The following TBC1D22A variants were observed in gnomAD, a reference collection of about 807,000 sequenced individuals.
TBC1D22A encodes the protein putative GTPase activator.
In TBC1D22A, 38 loss-of-function variants were observed where a neutral mutation model predicts 60.2. That is an observed-to-expected ratio of 0.63 (90% CI 0.49 to 0.83). The LOEUF (loss-of-function observed/expected upper bound fraction) is 0.83. Among genes scored for constraint, TBC1D22A ranks in the 40% least tolerant of loss-of-function variants. TBC1D22A has a pLI of 0.00. For synonymous variants in TBC1D22A, 302 were observed against 281.7 expected, an observed-to-expected ratio of 1.07 and a Z score of -0.72; for missense variants, 628 against 701.0, an observed-to-expected ratio of 0.90 and a Z score of 1.18.
At chr22:47,016,033 A>T (rs1396519358) in intron 10 of TBC1D22A, among the ~76,000 whole-genome samples, 2 of 152,060 alleles carry the variant, frequency 1.3e-5, no homozygotes, top group Admixed American at 6.5e-5. Flanking sequence ...GCCACTAAGG[A>T]TGGAAGTAGG....
chr22:46,910,707 C>G (rs2069852154), intron 7 of TBC1D22A, among the ~76,000 whole-genome samples: 2 of 152,056 alleles, frequency 1.3e-5, no homozygotes, highest in Admixed American at 1.3e-4. Context: ...GGGGAGGGAA[C>G]AGGTGGCAGC....
chr22:46,806,207 C>G (rs889882617), intron 4 of TBC1D22A, among the ~76,000 whole-genome samples: 2 of 152,134 alleles, frequency 1.3e-5, no homozygotes, highest in Admixed American at 6.5e-5. Flanking sequence ...GTGTGGAAAA[C>G]GTAGTATAGA....
At chr22:47,149,449 T>TCC (rs886292259) in intron 12 of TBC1D22A, among the ~76,000 whole-genome samples, 26 of 152,372 alleles carry the variant, frequency 1.7e-4, no homozygotes, top group African/African-American at 6.0e-4. Context: ...GAAAAAGCTC[T>TCC]CCCGTGTATA....
chr22:46,781,776 C>T (rs537960029), intron 1 of TBC1D22A, among the ~76,000 whole-genome samples: 27 of 152,294 alleles, frequency 1.8e-4, no homozygotes, highest in South Asian at 1.5e-3. Context: ...CCTCTCCTGT[C>T]GTGGGTTAGA....
intron 5 of TBC1D22A, among the ~76,000 whole-genome samples, chr22:46,887,651 C>G (rs951715229): frequency 6.6e-6 from 1 of 152,108 alleles, no homozygotes; most frequent in Non-Finnish European, 1.5e-5. Context: ...AGCAGCCAGA[C>G]AGAAAAAATG....
chr22:47,142,549 C>T (rs1235702585), intron 12 of TBC1D22A, among the ~76,000 whole-genome samples: 69 of 120,728 alleles, frequency 5.7e-4, no homozygotes, highest in Non-Finnish European at 7.7e-4. Context: ...CATCCATCCA[C>T]CCACCCACCC....
Position 46,839,885 on chromosome 22 carries a change from G to A in TBC1D22A, c.638-38768G>A, listed in dbSNP as rs1310948732. On this transcript the variant is annotated intron_variant, in intron 4 of 12. Transcript: ENST00000337137. ...TTCAATAAGTTTGTTGGGAAAAGTA[G>A]ATATTCCCATACATGAGAATGAAAT... is the stretch of plus-strand genomic sequence containing the variant. 2.6e-5 allele frequency among the ~76,000 whole-genome samples: 4 copies of A among 152,212 alleles called. No individual in the cohort carries two copies. In the East Asian group the frequency reaches 7.7e-4, roughly 29 times the overall value.
intron 12 of TBC1D22A, among the ~76,000 whole-genome samples, chr22:47,143,928 CCTT>C (rs969636950): frequency 6.6e-6 from 1 of 152,212 alleles, no homozygotes; most frequent in African/African-American, 2.4e-5. Flanking sequence ...AGGCCCGCTG[CCTT>C]CTTCTGCTCC....
chr22:46,958,515 C>A (rs1446656321), intron 8 of TBC1D22A, among the ~76,000 whole-genome samples: 1 of 152,238 alleles, frequency 6.6e-6, no homozygotes, highest in Admixed American at 6.5e-5. Context: ...AGCTGGGAGT[C>A]CTGGCCAGTT....
chr22:46,972,134 T>C (rs1441613422), intron 8 of TBC1D22A, among the ~76,000 whole-genome samples: 1 of 152,204 alleles, frequency 6.6e-6, no homozygotes, highest in African/African-American at 2.4e-5. Context: ...TTGCACCCGG[T>C]ATGCTGTGGA....
chr22:47,090,428 G>A lies in TBC1D22A; in HGVS notation c.1330-21080G>A, dbSNP rs532647741. Among the ~76,000 whole-genome samples, 53 of 152,354 alleles carry A rather than the reference G, an allele frequency of 3.5e-4. No homozygotes were observed. The South Asian group carries it at 7.5e-3, about 21-fold the overall frequency. On this transcript the variant is annotated intron_variant, in intron 11 of 12. Transcript: ENST00000337137. Reference sequence around the variant, plus strand: ...TCGTCCCCTACTGCCACTCTGCCCCGTGTTCCAGCAGCCGAGTAACTTCGG... The same window carrying A: ...TCGTCCCCTACTGCCACTCTGCCCCATGTTCCAGCAGCCGAGTAACTTCGG...
chr22:47,074,678 C>A (rs1052417947), intron 11 of TBC1D22A, among the ~76,000 whole-genome samples: 2 of 152,190 alleles, frequency 1.3e-5, no homozygotes, highest in Admixed American at 1.3e-4. Flanking sequence ...CTGGAAGTGG[C>A]ACTGTCTGAA....
intron 8 of TBC1D22A, chr22:46,914,155 G>T (rs1176249511): frequency 1.3e-5 from 2 of 152,190 alleles, no homozygotes; most frequent in African/African-American, 2.4e-5. Flanking sequence ...AAATGTTTGG[G>T]CCAGGCGCTG....
At chr22:46,848,838 T>C (rs1007796196) in intron 4 of TBC1D22A, among the ~76,000 whole-genome samples, 1 of 152,172 alleles carries the variant, frequency 6.6e-6, no homozygotes, top group African/African-American at 2.4e-5. Context: ...TGGTGTTTCT[T>C]TGAGTGTGTT....
chr22:46,919,516 C>T (rs1350912171), intron 8 of TBC1D22A, among the ~76,000 whole-genome samples: 3 of 152,068 alleles, frequency 2.0e-5, no homozygotes, highest in Admixed American at 1.3e-4. Flanking sequence ...TACAAGTCTT[C>T]GTGTAGATAT....
chr22:46,844,687 C>T (rs997896137), intron 4 of TBC1D22A, among the ~76,000 whole-genome samples: 6 of 152,174 alleles, frequency 3.9e-5, no homozygotes, highest in East Asian at 1.9e-4. Flanking sequence ...CTGGGTCCCC[C>T]GTGGGGTCTG....
intron 5 of TBC1D22A, among the ~76,000 whole-genome samples, chr22:46,884,777 A>G (rs2068028532): frequency 1.3e-5 from 2 of 152,174 alleles, no homozygotes; most frequent in African/African-American, 4.8e-5. Context: ...ATCTAGATGA[A>G]ATGGGTCCTA....
intron 9 of TBC1D22A, among the ~76,000 whole-genome samples, chr22:46,987,765 G>A (rs1345746373): frequency 1.3e-5 from 2 of 152,198 alleles, no homozygotes; most frequent in Admixed American, 6.5e-5. Context: ...GGTGGTTGCC[G>A]AAGTTGGGGT....
At chr22:46,913,366 A>G in intron 8 of TBC1D22A, 2 of 1,366,452 alleles carry the variant, frequency 1.5e-6, no homozygotes, top group Admixed American at 1.9e-5. Context: ...TCAGATTCCC[A>G]TCCTTGCTGT....
Sources: allele counts gnomAD v4.1 joint callset (sites outside exome capture counted in the v4.1 genomes callset), GRCh38; gene constraint gnomAD v4.1.1; transcripts MANE v1.5; gene names NCBI Gene and HGNC (gene_info 2026-07-23, HGNC 2026-07-21).